PEX7: variants seen among roughly 807,000 people sequenced by gnomAD.
The protein encoded by PEX7 is PTS2 receptor.
PEX7 carries 34 observed loss-of-function variants against 47.5 expected under a neutral mutation model. The observed-to-expected ratio is 0.72, with a 90% CI of 0.54 to 0.95. The LOEUF (loss-of-function observed/expected upper bound fraction) is 0.95, where lower values mean the gene tolerates loss of function less well. PEX7 is among the 40% of genes least tolerant of loss of function. PEX7 has a pLI of 0.00. For missense variants in PEX7, 394 were observed against 400.3 expected (o/e 0.98, Z 0.13); for synonymous variants, 141 against 148.8 (o/e 0.95, Z 0.38).
chr6:136,834,381 T>C (rs1270388029), intron 3 of PEX7, among the ~76,000 whole-genome samples: 1 of 152,226 alleles, frequency 6.6e-6, no homozygotes, highest in Non-Finnish European at 1.5e-5. Context: ...CATGCCTGGC[T>C]AATTTTTGAA....
chr6:136,913,325 A>G (rs553217214), intron 9 of PEX7, 133 bp from the exon 10 acceptor site: 14 of 708,768 alleles, frequency 2.0e-5, no homozygotes, highest in East Asian at 1.3e-4. Context: ...ACGTAGCCCT[A>G]TGTTTTCCCT....
intron 9 of PEX7, among the ~76,000 whole-genome samples, chr6:136,902,494 C>T (rs1455911752): frequency 6.6e-6 from 1 of 152,128 alleles, no homozygotes; most frequent in East Asian, 1.9e-4. Context: ...AAATAAATGT[C>T]TGGGGTCATT....
Position 136,846,117 on chromosome 6 carries a change from T to C in PEX7, c.462T>C (p.His154=), listed in dbSNP as rs753312829. 4 of 1,613,712 alleles carry C rather than the reference T, an allele frequency of 2.5e-6. No homozygotes were observed. The highest frequency in any genetic ancestry group is 1.1e-5 in the South Asian group (1 of 91,070). Residue 154 remains histidine (H), a synonymous_variant, in exon 5 of 10, where the codon CAT becomes CAC. Coordinates refer to ENST00000318471, the MANE Select transcript of PEX7 (RefSeq NM_000288.4). ...AGTCTCTGTGCACCTTTAGAGGCCATGAAAGTATTATTTATAGCACAATCT... is the reference window on the plus strand; with the variant it reads ...AGTCTCTGTGCACCTTTAGAGGCCACGAAAGTATTATTTATAGCACAATCT... ...VGKSLCTFRG[H]ESIIYSTIWS...
chr6:136,854,905 C>G (rs534423463), intron 5 of PEX7, among the ~76,000 whole-genome samples: 1 of 152,108 alleles, frequency 6.6e-6, no homozygotes, highest in South Asian at 2.1e-4. Flanking sequence ...GGCCAACCAA[C>G]ATGGTGAAAC....
intron 8 of PEX7, among the ~76,000 whole-genome samples, chr6:136,882,536 A>T (rs938933539): frequency 4.2e-5 from 6 of 141,960 alleles, no homozygotes; most frequent in Non-Finnish European, 9.3e-5. Flanking sequence ...TCAGCAAAAG[A>T]TCTTACCTTT....
intron 3 of PEX7, among the ~76,000 whole-genome samples, chr6:136,839,232 T>C (rs906692574): frequency 5.3e-5 from 8 of 152,122 alleles, no homozygotes; most frequent in African/African-American, 1.7e-4. Context: ...AAAAGAAATA[T>C]ATAGCCCTTT....
intron 9 of PEX7, among the ~76,000 whole-genome samples, chr6:136,906,256 A>G (rs970368143): frequency 6.6e-6 from 1 of 152,228 alleles, no homozygotes; most frequent in African/African-American, 2.4e-5. Context: ...AAAACAAAAT[A>G]GAATATAAAA....
intron 3 of PEX7, among the ~76,000 whole-genome samples, chr6:136,841,974 A>G (rs577483494): frequency 9.3e-5 from 14 of 149,788 alleles, no homozygotes; most frequent in Admixed American, 6.0e-4. Context: ...TTTTAAACAT[A>G]GTATTGAGTT....
intron 8 of PEX7, among the ~76,000 whole-genome samples, chr6:136,882,565 A>C (rs1775396060): frequency 6.6e-6 from 1 of 151,616 alleles, no homozygotes; most frequent in Admixed American, 6.6e-5. Context: ...AATAATAATA[A>C]TAATTGTGGG....
At chr6:136,894,357 C>T (rs1423432547) in intron 8 of PEX7, among the ~76,000 whole-genome samples, 1 of 151,928 alleles carries the variant, frequency 6.6e-6, no homozygotes, top group South Asian at 2.1e-4. Context: ...TTTGGGAGGC[C>T]GAGGCGGGCA....
At chr6:136,889,843 C>T (rs745541630) in intron 8 of PEX7, among the ~76,000 whole-genome samples, 10 of 152,138 alleles carry the variant, frequency 6.6e-5, no homozygotes, top group East Asian at 1.9e-4. Flanking sequence ...TGAGGAAGTA[C>T]GGCAGGAAGC....
intron 9 of PEX7, among the ~76,000 whole-genome samples, chr6:136,902,409 A>G (rs1775767621): frequency 6.6e-6 from 1 of 152,168 alleles, no homozygotes; most frequent in South Asian, 2.1e-4. Context: ...AATGAGGTCA[A>G]GGGCATTCAT....
At chr6:136,891,682 T>C (rs2115262997) in intron 8 of PEX7, among the ~76,000 whole-genome samples, 1 of 150,398 alleles carries the variant, frequency 6.6e-6, no homozygotes, top group East Asian at 2.0e-4. Flanking sequence ...AGAGTCTCAC[T>C]CTGTTGCTCA....
intron 9 of PEX7, among the ~76,000 whole-genome samples, chr6:136,910,615 G>T (rs1775918341): frequency 1.3e-5 from 2 of 152,144 alleles, no homozygotes; most frequent in Non-Finnish European, 2.9e-5. Flanking sequence ...CTGTAGCTTG[G>T]ATTCTGATCT....
intron 9 of PEX7, 44 bp from the exon 10 acceptor site, chr6:136,913,414 G>T (rs1018961290): frequency 1.4e-6 from 2 of 1,385,912 alleles, no homozygotes; most frequent in Non-Finnish European, 2.1e-6. Context: ...TTGAATTTTT[G>T]TATGTCTAAA....
Position 136,845,648 on chromosome 6 carries a change from GA to G in PEX7, c.375del (p.Glu125AspfsTer56), listed in dbSNP as rs1562734681. ...YSVDWSQTRGEQLVVSGSWDQ... is the reference protein window; with the variant it reads ...YSVDWSQTRGXQLVVSGSWDQ... ...TGTTGATTGGAGCCAAACCAGAGGT[GA>G]ACAGCTTGTGGTGTCTGGCTCATGG... On this transcript the variant is annotated frameshift_variant, in exon 4 of 10. Coordinates refer to ENST00000318471, the MANE Select transcript of PEX7 (RefSeq NM_000288.4). LOFTEE classifies it high-confidence loss of function. 6.2e-7 allele frequency: 1 copy of G among 1,611,602 alleles called. No individual in the cohort carries two copies. Among genetic ancestry groups the G allele is most frequent in the Non-Finnish European group, 8.5e-7 (1 of 1,177,754 alleles).
chr6:136,850,052 A>G (rs891411275), intron 5 of PEX7, among the ~76,000 whole-genome samples: 3 of 151,978 alleles, frequency 2.0e-5, no homozygotes, highest in Non-Finnish European at 4.4e-5. Flanking sequence ...TTGGGTGCAT[A>G]TATATTTAGG....
chr6:136,864,793 C>G (rs1201242299), intron 5 of PEX7, among the ~76,000 whole-genome samples: 1 of 152,120 alleles, frequency 6.6e-6, no homozygotes. Flanking sequence ...AATTCTTAGA[C>G]AGCGCTGCAT....
At chr6:136,829,170 A>G (rs1344453389) in intron 3 of PEX7, among the ~76,000 whole-genome samples, 2 of 152,188 alleles carry the variant, frequency 1.3e-5, no homozygotes, top group African/African-American at 4.8e-5. Flanking sequence ...TTACAGCAGC[A>G]CCCCTAATTC....
Sources: allele counts gnomAD v4.1 joint callset (sites outside exome capture counted in the v4.1 genomes callset), GRCh38; gene constraint gnomAD v4.1.1; transcripts MANE v1.5; gene names NCBI Gene and HGNC (gene_info 2026-07-23, HGNC 2026-07-21).